The following MAPK8IP3 variants were observed in gnomAD, a reference collection of about 807,000 sequenced individuals.
MAPK8IP3 encodes C-Jun-amino-terminal kinase-interacting protein 3.
A neutral mutation model predicts 157.8 loss-of-function variants in MAPK8IP3; 49 were observed. That is an observed-to-expected ratio of 0.31 (90% CI 0.25 to 0.39). The LOEUF (loss-of-function observed/expected upper bound fraction) is 0.39, where lower values mean the gene tolerates loss of function less well. Among genes scored for constraint, MAPK8IP3 ranks in the 10% least tolerant of loss-of-function variants. The pLI is 1.00. For missense variants in MAPK8IP3, 1,478 were observed against 1,889.4 expected (o/e 0.78, Z 4.04); for synonymous variants, 897 against 777.7 (o/e 1.15, Z -2.55).
chr16:1,706,212 C>CGGCGGA lies in MAPK8IP3; in HGVS notation c.-126_-121dup. 1 of 744,182 alleles carries CGGCGGA rather than the reference C, an allele frequency of 1.3e-6. No homozygotes were observed. The highest frequency in any genetic ancestry group is 1.8e-6 in the Non-Finnish European group (1 of 540,714). 46.1% of individuals were successfully genotyped at this position (744,182 alleles called of 1,614,324 possible). The stretch of plus-strand genomic sequence containing the variant: ...ACGGGCGCAGCCTCGGCAGCGGCGG[C>CGGCGGA]GGCGGAGCCCTGAGGCGACAGCAGC... On this transcript the variant is annotated 5_prime_UTR_variant, in exon 1 of 32. Coordinates refer to ENST00000610761, the MANE Select transcript of MAPK8IP3 (RefSeq NM_001318852.2). This position sits in a 1 kb window ranked among gnomAD's most constrained non-coding sequence, Gnocchi z 5.1.
chr16:1,733,627 C>T (rs909071838), intron 4 of MAPK8IP3, among the ~76,000 whole-genome samples: 3 of 152,224 alleles, frequency 2.0e-5, no homozygotes, highest in Non-Finnish European at 4.4e-5. Context: ...GGCTGGGCGC[C>T]GCCCCCGTCC....
intron 4 of MAPK8IP3, among the ~76,000 whole-genome samples, chr16:1,736,592 A>G (rs541743803): frequency 1.1e-3 from 36 of 32,226 alleles, no homozygotes; most frequent in East Asian, 9.1e-3. Flanking sequence ...GCGTGTGACC[A>G]TCCATGTGAG....
At chr16:1,744,670 G>T in intron 5 of MAPK8IP3, 3 of 985,494 alleles carry the variant, frequency 3.0e-6, no homozygotes, top group Non-Finnish European at 3.6e-6. Flanking sequence ...GCCTCAGCCG[G>T]GGGGAGCCCT....
chr16:1,714,347 T>TTTTC (rs2037999095), intron 1 of MAPK8IP3: 1 of 145,906 alleles, frequency 6.9e-6, no homozygotes, highest in African/African-American at 2.8e-5. Context: ...GGGGGGTGCG[T>TTTTC]CTTTGCGGAG....
chr16:1,722,098 G>A (rs1246776466), intron 1 of MAPK8IP3, among the ~76,000 whole-genome samples: 2 of 152,174 alleles, frequency 1.3e-5, no homozygotes, highest in African/African-American at 2.4e-5. Flanking sequence ...CTTATCAGTC[G>A]ATTAATAGCA....
intron 2 of MAPK8IP3, among the ~76,000 whole-genome samples, 187 bp from the exon 3 acceptor site, chr16:1,728,951 T>G (rs1299582631): frequency 6.6e-6 from 1 of 152,084 alleles, no homozygotes; most frequent in Non-Finnish European, 1.5e-5. Flanking sequence ...AGCTGAGTGT[T>G]CTCCCATCGC....
intron 4 of MAPK8IP3, among the ~76,000 whole-genome samples, chr16:1,734,505 G>A (rs1373558932): frequency 1.3e-5 from 2 of 152,268 alleles, no homozygotes; most frequent in Non-Finnish European, 2.9e-5. Context: ...CTGCAGGCGT[G>A]GATGGCAGCC....
At position 1,748,553 on chromosome 16, in the gene MAPK8IP3, G is replaced by A. The variant is rs371347845; in HGVS notation, c.1098-49G>A. ...AAGAGTCTGCAGACGCAGCCACTCC[G>A]GGCTGCCCACTGACTCTGCTCTCTC... On this transcript the variant is annotated intron_variant, in intron 7 of 31. Coordinates refer to ENST00000610761, the MANE Select transcript of MAPK8IP3 (RefSeq NM_001318852.2). 1.5e-4 allele frequency: 216 copies of A among 1,473,902 alleles called. 1 individual carries two copies. The highest frequency in any genetic ancestry group is 2.0e-4 in the East Asian group (9 of 44,044). 91.3% of individuals were successfully genotyped at this position (1,473,902 alleles called of 1,614,324 possible).
At chr16:1,725,063 G>T (rs1596575906) in intron 2 of MAPK8IP3, among the ~76,000 whole-genome samples, 2 of 152,088 alleles carry the variant, frequency 1.3e-5, no homozygotes, top group African/African-American at 2.4e-5. Context: ...GCCCGCTGGT[G>T]TAGCCCCATT....
rs1418751295 is a variant in MAPK8IP3 at position 1,712,056 on chromosome 16, TTTTTTTTTTTTTTTTTC to T, written c.318+5406_318+5422del. ...TTCTTTTGGCCTCAGGAGTTCTTTT[TTTTTTTTTTTTTTTTTC>T]TTTTTTGAGATGGAGTCTCGCTCTG... On this transcript the variant is annotated intron_variant, in intron 1 of 31. Transcript: ENST00000610761. 1.8e-4 allele frequency among the ~76,000 whole-genome samples: 19 copies of T among 106,900 alleles called. 2 individuals carry two copies. The South Asian group carries it at 5.1e-3, about 29-fold the overall frequency. 70.1% of individuals were successfully genotyped at this position (106,900 alleles called of 152,430 possible).
chr16:1,710,304 GA>G lies in MAPK8IP3; in HGVS notation c.318+3657del, dbSNP rs964710024. ...CTGGCGAAACCCTGTCTCTACTAAAGAAAAAAAAAAGAAAAAAAAATTAGCC... is the reference window on the plus strand; with the variant it reads ...CTGGCGAAACCCTGTCTCTACTAAAGAAAAAAAAAGAAAAAAAAATTAGCC... On this transcript the variant is annotated intron_variant, in intron 1 of 31. Coordinates refer to ENST00000610761, the MANE Select transcript of MAPK8IP3 (RefSeq NM_001318852.2). The surrounding 1 kb of genome is among the most constrained non-coding windows in gnomAD (Gnocchi z 4.1). Among the ~76,000 whole-genome samples, 3 of 142,612 alleles carry G rather than the reference GA, an allele frequency of 2.1e-5. No homozygotes were observed. The highest frequency in any genetic ancestry group is 7.8e-5 in the African/African-American group (3 of 38,606). 93.6% of individuals were successfully genotyped at this position (142,612 alleles called of 152,430 possible).
chr16:1,723,200 A>C (rs983667165), intron 1 of MAPK8IP3, among the ~76,000 whole-genome samples: 1 of 151,202 alleles, frequency 6.6e-6, no homozygotes, highest in Non-Finnish European at 1.5e-5. Flanking sequence ...CACCCGGCTA[A>C]TTTTTGTATT....
chr16:1,767,197 C>G lies in MAPK8IP3; in HGVS notation c.3137C>G (p.Pro1046Arg), dbSNP rs376175082. 2 of 1,613,348 alleles carry G rather than the reference C, an allele frequency of 1.2e-6. No homozygotes were observed. Among genetic ancestry groups the G allele is most frequent in the Non-Finnish European group, 8.5e-7 (1 of 1,180,010 alleles). The change falls in exon 26 of 32, where the codon CCG becomes CGG. Residue 1046 changes from proline to arginine, a missense_variant. Pro to Arg is a moderately radical substitution (Grantham distance 103). Coordinates refer to ENST00000610761, the MANE Select transcript of MAPK8IP3 (RefSeq NM_001318852.2). ...TATCACCTAATGGACCTGGGCCACC[C>G]GCACCACTCCATCCGCTGCATGGCT... The part of the protein sequence containing the change: ...SNYHLMDLGH[P>R]HHSIRCMAVV...
In MAPK8IP3 at chr16:1,766,536, G is replaced by T; in HGVS notation, c.2827G>T (p.Gly943Trp). Reference protein sequence around the residue: ...SSGPQPGSENGPEPDSSSTRP... With the variant: ...SSGPQPGSENWPEPDSSSTRP... ...CCACCGTTCTTCCTGCAGCGAGAAC[G>T]GGCCAGAGCCTGACAGCAGCAGCAC... Residue 943 changes from glycine (G) to tryptophan (W), a missense_variant, in exon 23 of 32, where the codon GGG becomes TGG. Transcript: ENST00000610761. 1 of 1,611,606 alleles carries T rather than the reference G, an allele frequency of 6.2e-7. No homozygotes were observed. Among genetic ancestry groups the T allele is most frequent in the South Asian group, 1.1e-5 (1 of 91,072 alleles).
At position 1,726,079 on chromosome 16, in the gene MAPK8IP3, G is replaced by T. The variant is rs1179541849; in HGVS notation, c.439+1402G>T. Among the ~76,000 whole-genome samples the T allele has an allele frequency of 2.6e-5, 4 of 152,200 alleles. No homozygotes were observed. In the East Asian group the frequency reaches 7.7e-4, roughly 29 times the overall value. ...CTCTAAAAAGTTAAGATCAAATTTG[G>T]GAAAGAAACTGTTTTGATATGTTAG... is the stretch of plus-strand genomic sequence containing the variant. On this transcript the variant is annotated intron_variant, in intron 2 of 31. Coordinates refer to ENST00000610761, the MANE Select transcript of MAPK8IP3 (RefSeq NM_001318852.2).
At chr16:1,759,337 G>C (rs2041804012) in intron 10 of MAPK8IP3, among the ~76,000 whole-genome samples, 1 of 152,246 alleles carries the variant, frequency 6.6e-6, no homozygotes. Flanking sequence ...CCCAGGCACA[G>C]AGGCGTGTGA....
chr16:1,766,742 G>A lies in MAPK8IP3; in HGVS notation c.2959G>A (p.Val987Met), dbSNP rs1596809174. Residue 987 changes from valine to methionine, a missense_variant, in exon 24 of 32, where the codon GTG (valine) becomes ATG (methionine). Physicochemically the swap from Val to Met is conservative, Grantham distance 21. This residue lies in a region of MAPK8IP3 where 669 missense variants were observed against 759.8 expected (regional missense o/e 0.88). Transcript: ENST00000610761. ...CCCTAGGCTCTATGTGCACTCGGCT[G>A]TGGCCAACTGGAAGAAGTGCCTGCA... ...QNGWLYVHSAVANWKKCLHSI... is the reference protein window; with the variant it reads ...QNGWLYVHSAMANWKKCLHSI... 1 of 1,612,868 alleles carries A rather than the reference G, an allele frequency of 6.2e-7. No homozygotes were observed. Among genetic ancestry groups the A allele is most frequent in the South Asian group, 1.1e-5 (1 of 91,090 alleles).
chr16:1,728,996 A>G, intron 2 of MAPK8IP3, 142 bp from the exon 3 acceptor site: 1 of 757,526 alleles, frequency 1.3e-6, no homozygotes, highest in East Asian at 2.5e-5. Context: ...ACGGCCTTGC[A>G]CTTGCCGGGC....
At position 1,762,743 on chromosome 16, in the gene MAPK8IP3, GC is replaced by G. The variant is rs774393839; in HGVS notation, c.1727+16del. 1.4e-5 allele frequency: 22 copies of G among 1,580,802 alleles called. No individual in the cohort carries two copies. The Middle Eastern group carries it at 8.5e-4, about 61-fold the overall frequency. Reference sequence around the variant, plus strand: ...ACCATCTGGCAGTTGTAAGCTGGGGGCCCCTGGGGGATGTGGGCAGCAGCTG... The same window carrying G: ...ACCATCTGGCAGTTGTAAGCTGGGGGCCCTGGGGGATGTGGGCAGCAGCTG... On this transcript the variant is annotated intron_variant, in intron 15 of 31. Transcript: ENST00000610761.
Sources: gnomAD v4.1 joint callset for allele counts (sites outside exome capture counted in the v4.1 genomes callset) on GRCh38, gnomAD v4.1.1 for gene constraint, gnomAD v4.1.1 regional missense constraint, Gnocchi (gnomAD v3.1) non-coding constraint, MANE v1.5 for transcripts, NCBI Gene and HGNC (gene_info 2026-07-23, HGNC 2026-07-21) for gene names.